ELAVL4: variants seen among roughly 807,000 people sequenced by gnomAD.
ELAVL4 encodes the protein ELAV-like protein 4.
A neutral mutation model predicts 35.6 loss-of-function variants in ELAVL4; 1 was observed. That is an observed-to-expected ratio of 0.03 (90% CI 0.01 to 0.13). The LOEUF (loss-of-function observed/expected upper bound fraction) is 0.13, where lower values mean the gene tolerates loss of function less well. ELAVL4 is among the 10% of genes least tolerant of loss of function. The probability of loss-of-function intolerance (pLI) is 1.00; values close to 1 mark genes in which losing one functional copy is unlikely to be tolerated. For synonymous variants in ELAVL4, 156 were observed against 171.0 expected (o/e 0.91, Z 0.69); for missense variants, 267 against 464.9 (o/e 0.57, Z 3.91).
chr1:50,110,170 C>A (rs1203679703), intron 1 of ELAVL4, among the ~76,000 whole-genome samples: 2 of 152,142 alleles, frequency 1.3e-5, no homozygotes, highest in African/African-American at 4.8e-5. Context: ...AATGGCACTG[C>A]ATGCACACAA....
At position 50,163,719 on chromosome 1, in the gene ELAVL4, G is replaced by A. The variant is rs138781504; in HGVS notation, c.251-13370G>A. 3.4e-3 allele frequency among the ~76,000 whole-genome samples: 523 copies of A among 152,176 alleles called. 6 individuals carry two copies. Among genetic ancestry groups the A allele is most frequent in the African/African-American group, 0.012 (479 of 41,510 alleles). Reference sequence around the variant, plus strand: ...TTCATGCCTGTAACCCCAGCTACTCGGGAGGCTAAGGCATGAGAATTGCTT... The same window carrying A: ...TTCATGCCTGTAACCCCAGCTACTCAGGAGGCTAAGGCATGAGAATTGCTT... On this transcript the variant is annotated intron_variant, in intron 2 of 6. Coordinates refer to ENST00000371824, the MANE Select transcript of ELAVL4 (RefSeq NM_001144774.3).
rs924457004 is a variant in ELAVL4 at position 50,177,962 on chromosome 1, G to A, written c.354+770G>A. Among the ~76,000 whole-genome samples the A allele has an allele frequency of 4.5e-4, 68 of 152,274 alleles. 1 individual carries two copies. The highest frequency in any genetic ancestry group is 1.5e-3 in the African/African-American group (64 of 41,562). ...GAAGGAGGTTTAAGTTTCTGTCACT[G>A]GATAGTCATACTCTGGGTCCAGACT... On this transcript the variant is annotated intron_variant, in intron 3 of 6. Transcript: ENST00000371824.
intron 1 of ELAVL4, among the ~76,000 whole-genome samples, chr1:50,068,484 A>G (rs903729035): frequency 6.6e-6 from 1 of 152,178 alleles, no homozygotes; most frequent in Non-Finnish European, 1.5e-5. Flanking sequence ...GGCTTCTGGC[A>G]CACTGTTGTT....
chr1:50,151,296 A>G (rs1445193441), intron 2 of ELAVL4, among the ~76,000 whole-genome samples: 1 of 152,234 alleles, frequency 6.6e-6, no homozygotes, highest in East Asian at 1.9e-4. Context: ...CCGGGAAAAC[A>G]TAATTAGAGC....
chr1:50,077,749 G>A (rs149377875), intron 1 of ELAVL4, among the ~76,000 whole-genome samples: 1 of 152,122 alleles, frequency 6.6e-6, no homozygotes, highest in African/African-American at 2.4e-5. Context: ...AAGAGAAAAG[G>A]TTACTTTAAT....
chr1:50,150,079 A>G (rs1374564747), intron 2 of ELAVL4, among the ~76,000 whole-genome samples: 1 of 152,178 alleles, frequency 6.6e-6, no homozygotes, highest in African/African-American at 2.4e-5. Flanking sequence ...TAGTCAAAGA[A>G]CAAAAGCATT....
intron 2 of ELAVL4, among the ~76,000 whole-genome samples, chr1:50,160,344 TTA>T (rs1474916133): frequency 1.3e-5 from 2 of 152,350 alleles, no homozygotes; most frequent in Admixed American, 6.5e-5. Flanking sequence ...TCTTGGGTTT[TTA>T]TGTCTTTATT....
chr1:50,201,388 A>AAT lies in ELAVL4; in HGVS notation c.*211_*212insTA. The AAT allele has an allele frequency of 9.4e-6, 4 of 426,120 alleles. No individual in the cohort carries two copies. The highest frequency in any genetic ancestry group is 8.9e-5 in the South Asian group (1 of 11,276). 26.4% of individuals were successfully genotyped at this position (426,120 alleles called of 1,614,324 possible). On this transcript the variant is annotated 3_prime_UTR_variant, in exon 7 of 7. Coordinates refer to ENST00000371824, the MANE Select transcript of ELAVL4 (RefSeq NM_001144774.3). This position sits in a 1 kb window ranked among gnomAD's most constrained non-coding sequence, Gnocchi z 4.3. Reference sequence around the variant, plus strand: ...AAGGATTTTATAATGCTTAGAAAAAAAGAAAAAAAAAAAACAAAAAATACC... The same window carrying AAT: ...AAGGATTTTATAATGCTTAGAAAAAAATAGAAAAAAAAAAAACAAAAAATACC...
chr1:50,068,139 A>C (rs1343588589), intron 1 of ELAVL4, among the ~76,000 whole-genome samples: 1 of 152,136 alleles, frequency 6.6e-6, no homozygotes, highest in Non-Finnish European at 1.5e-5. Context: ...GCTGTAAGGA[A>C]AATAAAGCAG....
intron 3 of ELAVL4, among the ~76,000 whole-genome samples, chr1:50,178,380 T>A (rs1412925424): frequency 6.6e-6 from 1 of 152,238 alleles, no homozygotes; most frequent in Admixed American, 6.5e-5. Context: ...AGACTACTGG[T>A]ATAAGATAAT....
intron 1 of ELAVL4, among the ~76,000 whole-genome samples, chr1:50,120,377 A>G (rs1668824467): frequency 6.6e-6 from 1 of 152,052 alleles, no homozygotes; most frequent in Non-Finnish European, 1.5e-5. Flanking sequence ...ATGGGAACTT[A>G]CAAGGCCTAC....
chr1:50,197,671 A>T (rs1644139533), intron 6 of ELAVL4: 2 of 466,130 alleles, frequency 4.3e-6, no homozygotes, highest in Non-Finnish European at 7.3e-6. Context: ...TGTGTGTTTC[A>T]CTTTTTCTTT....
At chr1:50,190,786 C>T (rs566409666) in intron 3 of ELAVL4, among the ~76,000 whole-genome samples, 3 of 152,332 alleles carry the variant, frequency 2.0e-5, no homozygotes, top group Admixed American at 1.3e-4. Context: ...TCTGGCTGTG[C>T]AGAACTAATG....
intron 1 of ELAVL4, among the ~76,000 whole-genome samples, chr1:50,076,456 T>C (rs560754068): frequency 6.6e-6 from 1 of 152,332 alleles, no homozygotes; most frequent in South Asian, 2.1e-4. Flanking sequence ...AAATTAAATG[T>C]TATCATAGGT....
intron 1 of ELAVL4, among the ~76,000 whole-genome samples, chr1:50,112,518 G>A (rs1319133051): frequency 6.6e-6 from 1 of 151,978 alleles, no homozygotes; most frequent in Non-Finnish European, 1.5e-5. Context: ...AAATATTTCT[G>A]CAAAAAACAT....
At chr1:50,191,817 G>A (rs1286377361) in intron 3 of ELAVL4, among the ~76,000 whole-genome samples, 2 of 152,202 alleles carry the variant, frequency 1.3e-5, no homozygotes, top group Non-Finnish European at 2.9e-5. Flanking sequence ...AAGGTATAAA[G>A]GTGGTAGGTT....
rs570676927 is a variant in ELAVL4 at position 50,185,134 on chromosome 1, G to A, written c.354+7942G>A. ...TGGCCTAAAACATCAGTGGCCCTGC[G>A]GATTAAAGACTCATTTCTCCATGGT... is the stretch of plus-strand genomic sequence containing the variant. On this transcript the variant is annotated intron_variant, in intron 3 of 6. Coordinates refer to ENST00000371824, the MANE Select transcript of ELAVL4 (RefSeq NM_001144774.3). Among the ~76,000 whole-genome samples the A allele has an allele frequency of 3.3e-4, 51 of 152,242 alleles. No homozygotes were observed. The South Asian group carries it at 7.5e-3, about 22-fold the overall frequency.
chr1:50,168,372 C>A (rs1392372339), intron 2 of ELAVL4, among the ~76,000 whole-genome samples: 1 of 152,154 alleles, frequency 6.6e-6, no homozygotes, highest in Non-Finnish European at 1.5e-5. Flanking sequence ...ACAGTAGACA[C>A]CTGGCGAGGC....
intron 4 of ELAVL4, among the ~76,000 whole-genome samples, chr1:50,194,120 A>G (rs1683080207): frequency 6.6e-6 from 1 of 152,192 alleles, no homozygotes; most frequent in African/African-American, 2.4e-5. Context: ...GTTCTCCATC[A>G]TGGGACTTGT....
Sources: gnomAD v4.1 joint callset for allele counts (sites outside exome capture counted in the v4.1 genomes callset) on GRCh38, gnomAD v4.1.1 for gene constraint, Gnocchi (gnomAD v3.1) non-coding constraint, MANE v1.5 for transcripts, NCBI Gene and HGNC (gene_info 2026-07-23, HGNC 2026-07-21) for gene names.